Variants in USP35 observed in about 807,000 individuals in gnomAD.
USP35 encodes the protein ubiquitin carboxyl-terminal hydrolase 35.
In USP35, 69 loss-of-function variants were observed where a neutral mutation model predicts 83.8. The ratio of observed to expected loss-of-function variants is 0.82; its 90% CI spans 0.68 to 1.01. The LOEUF (loss-of-function observed/expected upper bound fraction) is 1.01. USP35 is among the 50% of genes least tolerant of loss of function. The probability of loss-of-function intolerance (pLI) is 0.00; values close to 1 mark genes in which losing one functional copy is unlikely to be tolerated. For synonymous variants in USP35, 714 were observed against 589.5 expected, an observed-to-expected ratio of 1.21 and a Z score of -3.06; for missense variants, 1,503 against 1,362.5, an observed-to-expected ratio of 1.10 and a Z score of -1.62.
At chr11:78,220,493 C>T in the USP35 span, 1 of 1,510,602 alleles carries the variant, frequency 6.6e-7, no homozygotes, top group Non-Finnish European at 8.9e-7. Context: ...AACAGACTAA[C>T]CCACCACCCA....
chr11:78,200,882 TACCAC>T, intron 6 of USP35, 74 bp downstream of exon 6: 2 of 1,510,794 alleles, frequency 1.3e-6, no homozygotes, highest in East Asian at 4.6e-5. Flanking sequence ...CAGCGGGCCA[TACCAC>T]AGCTTGGTGG....
In USP35 at chr11:78,209,716, A is replaced by C. The variant is rs1404025569; in HGVS notation, c.1861A>C (p.Ile621Leu). The C allele has an allele frequency of 6.2e-7, 1 of 1,614,058 alleles. No individual in the cohort carries two copies. The highest frequency in any genetic ancestry group is 8.5e-7 in the Non-Finnish European group (1 of 1,179,976). Residue 621 changes from isoleucine to leucine, a missense_variant, in exon 10 of 11, where the codon ATC becomes CTC. Transcript: ENST00000529308. ...LGSVMRPTEDITARELPPPTS... is the reference protein window; with the variant it reads ...LGSVMRPTEDLTARELPPPTS... Reference sequence around the variant, plus strand: ...CTCTGTGATGCGCCCCACAGAAGACATCACAGCCCGGGAGTTGCCCCCACC... The same window carrying C: ...CTCTGTGATGCGCCCCACAGAAGACCTCACAGCCCGGGAGTTGCCCCCACC...
At chr11:78,206,103 G>A (rs1863522996) in intron 7 of USP35, 68 bp downstream of exon 7, 3 of 1,491,608 alleles carry the variant, frequency 2.0e-6, no homozygotes, top group Non-Finnish European at 2.7e-6. Context: ...ATGACAGGTG[G>A]AAAGGTGTCC....
the USP35 span, among the ~76,000 whole-genome samples, chr11:78,232,120 T>G: frequency 6.6e-6 from 1 of 152,252 alleles, no homozygotes; most frequent in East Asian, 1.9e-4. Context: ...TTGTATATTT[T>G]GCCTTTGGTC....
chr11:78,228,470 G>A, the USP35 span, among the ~76,000 whole-genome samples: 2 of 152,186 alleles, frequency 1.3e-5, no homozygotes, highest in Non-Finnish European at 2.9e-5. Context: ...TGTTGGGGCT[G>A]TAATACATAA....
chr11:78,227,714 C>T, the USP35 span, among the ~76,000 whole-genome samples: 5 of 150,926 alleles, frequency 3.3e-5, no homozygotes, highest in South Asian at 2.1e-4. Context: ...GGAGGAGGAT[C>T]GCTTGAACCC....
Position 78,214,833 on chromosome 11 carries a change from C to T in USP35, c.*1020C>T, listed in dbSNP as rs1487097113. On this transcript the variant is annotated 3_prime_UTR_variant, in exon 11 of 11. Transcript: ENST00000529308. ...TGAGATGCCACAGGGAGCCAAGAGCCCTCTACTGAATCTACTGAAGTGGGG... is the reference window on the plus strand; with the variant it reads ...TGAGATGCCACAGGGAGCCAAGAGCTCTCTACTGAATCTACTGAAGTGGGG... 1.4e-5 allele frequency: 2 copies of T among 137,944 alleles called. No individual in the cohort carries two copies. The highest frequency in any genetic ancestry group is 3.0e-5 in the Non-Finnish European group (2 of 65,808). 8.5% of individuals were successfully genotyped at this position (137,944 alleles called of 1,614,324 possible). A position where few individuals can be genotyped will look rare whatever the true frequency, so the allele number is the denominator to read the frequency against.
In USP35 at chr11:78,210,835, T is replaced by C. The variant is rs551399973; in HGVS notation, c.2889+91T>C. ...TTAGATAAGTCATTTCCCCTCTAAG[T>C]CTTTTTTGTAAATCCCATTCATCTG... is the stretch of plus-strand genomic sequence containing the variant. On this transcript the variant is annotated intron_variant, in intron 10 of 10. Transcript: ENST00000529308. 6.7e-6 allele frequency: 9 copies of C among 1,347,904 alleles called. No individual in the cohort carries two copies. In the Admixed American group the frequency reaches 8.2e-5, roughly 12 times the overall value. 83.5% of individuals were successfully genotyped at this position (1,347,904 alleles called of 1,614,324 possible). A position where few individuals can be genotyped will look rare whatever the true frequency, so the allele number is the denominator to read the frequency against.
chr11:78,204,662 C>T (rs571919867), intron 6 of USP35, among the ~76,000 whole-genome samples: 6 of 152,022 alleles, frequency 3.9e-5, no homozygotes, highest in East Asian at 1.9e-4. Flanking sequence ...GAGGGACAGG[C>T]GAGGAGGGCA....
the USP35 span, among the ~76,000 whole-genome samples, chr11:78,232,092 T>C: frequency 3.3e-5 from 5 of 152,232 alleles, no homozygotes; most frequent in Non-Finnish European, 7.3e-5. Context: ...AGCAAAGCTG[T>C]ATATGTGAAA....
Position 78,198,508 on chromosome 11 carries a change from G to A in USP35, c.806+440G>A, listed in dbSNP as rs1350916055. 7 of 613,084 alleles carry A rather than the reference G, an allele frequency of 1.1e-5. No homozygotes were observed. In the South Asian group the frequency reaches 2.2e-4, roughly 19 times the overall value. The allele number at this position is 613,084 out of a possible 1,614,324, so 38.0% of individuals were successfully genotyped here. ...TGCATATCCCCCACCTCATCTGAAC[G>A]TCCTCCTCCCTGTGATCTAGACGCA... On this transcript the variant is annotated intron_variant, in intron 3 of 10. Transcript: ENST00000529308.
intron 6 of USP35, among the ~76,000 whole-genome samples, chr11:78,204,511 T>G (rs1163532012): frequency 6.6e-6 from 1 of 152,232 alleles, no homozygotes; most frequent in African/African-American, 2.4e-5. Flanking sequence ...TTTATTTTCC[T>G]GAGAACAAAG....
At chr11:78,190,394 G>C (rs1862968610) in intron 1 of USP35, among the ~76,000 whole-genome samples, 1 of 152,192 alleles carries the variant, frequency 6.6e-6, no homozygotes, top group Non-Finnish European at 1.5e-5. Context: ...TGATATGCAA[G>C]ACCAGGCCTG....
the USP35 span, among the ~76,000 whole-genome samples, chr11:78,233,740 G>A: frequency 6.6e-6 from 1 of 152,058 alleles, no homozygotes; most frequent in Non-Finnish European, 1.5e-5. Flanking sequence ...GCCAGTAGCT[G>A]GCACTATAGA....
chr11:78,200,224 C>T lies in USP35; in HGVS notation c.1028C>T (p.Ala343Val). 6.2e-7 allele frequency: 1 copy of T among 1,614,194 alleles called. No homozygotes were observed. ...MLLTFQHSHE[A>V]FHLLLPHIPP... ...CTGACCTTCCAGCACTCCCACGAAGCCTTCCACCTGGTAAGGTCCCCTGCC... is the reference window on the plus strand; with the variant it reads ...CTGACCTTCCAGCACTCCCACGAAGTCTTCCACCTGGTAAGGTCCCCTGCC... The change falls in exon 5 of 11, where the codon GCC becomes GTC. Residue 343 changes from alanine (A) to valine (V), a missense_variant. By Grantham distance (64) the Ala-to-Val change is moderately conservative. Coordinates refer to ENST00000529308, the MANE Select transcript of USP35 (RefSeq NM_020798.4).
chr11:78,202,594 A>G (rs1484322462), intron 6 of USP35, among the ~76,000 whole-genome samples: 1 of 152,146 alleles, frequency 6.6e-6, no homozygotes, highest in Non-Finnish European at 1.5e-5. Context: ...ACAATCCTGC[A>G]TGAATGACAG....
rs1428076122 is a variant in USP35 at position 78,200,318 on chromosome 11, C to G, written c.1038+84C>G. 21 of 1,486,234 alleles carry G rather than the reference C, an allele frequency of 1.4e-5. No homozygotes were observed. In the Admixed American group the frequency reaches 3.7e-4, roughly 26 times the overall value. The allele number at this position is 1,486,234 out of a possible 1,614,324, so 92.1% of individuals were successfully genotyped here. On this transcript the variant is annotated intron_variant, in intron 5 of 10. Transcript: ENST00000529308. Reference sequence around the variant, plus strand: ...CCCTGCCTACTGCCCCTGGTAAGGGCCCTGCCTGCTGACCCTGGGCTCTTG... The same window carrying G: ...CCCTGCCTACTGCCCCTGGTAAGGGGCCTGCCTGCTGACCCTGGGCTCTTG...
intron 7 of USP35, among the ~76,000 whole-genome samples, chr11:78,206,539 A>T (rs866050013): frequency 6.6e-6 from 1 of 152,166 alleles, no homozygotes; most frequent in East Asian, 1.9e-4. Flanking sequence ...TCTGAGCGTC[A>T]GGTTCAGTGG....
chr11:78,224,792 G>A, the USP35 span, among the ~76,000 whole-genome samples: 2 of 152,158 alleles, frequency 1.3e-5, no homozygotes, highest in Middle Eastern at 3.4e-3. Context: ...GAGGCCACGT[G>A]GGTAAGGTTG....
Sources: allele counts gnomAD v4.1 joint callset (sites outside exome capture counted in the v4.1 genomes callset), GRCh38; gene constraint gnomAD v4.1.1; transcripts MANE v1.5; gene names NCBI Gene and HGNC (gene_info 2026-07-23, HGNC 2026-07-21).